The following RERE variants were observed in gnomAD, a reference collection of about 807,000 sequenced individuals.
RERE encodes arginine-glutamic acid dipeptide repeats.
RERE carries 40 observed loss-of-function variants against 146.1 expected under a neutral mutation model. The observed-to-expected ratio is 0.27, with a 90% CI of 0.21 to 0.36. The LOEUF (loss-of-function observed/expected upper bound fraction) is 0.36, where lower values mean the gene tolerates loss of function less well. RERE is among the 10% of genes least tolerant of loss of function. The pLI is 1.00. For synonymous variants in RERE, 1,003 were observed against 866.0 expected, an observed-to-expected ratio of 1.16 and a Z score of -2.78; for missense variants, 1,933 against 2,138.7, an observed-to-expected ratio of 0.90 and a Z score of 1.90.
chr1:8,487,562 A>ACCCT (rs1326598783), intron 10 of RERE, among the ~76,000 whole-genome samples: 2 of 152,078 alleles, frequency 1.3e-5, no homozygotes, highest in Non-Finnish European at 1.5e-5. Context: ...TGGGCAATAG[A>ACCCT]CCCTTTCTCA....
chr1:8,562,291 A>C (rs1646087724), intron 4 of RERE, among the ~76,000 whole-genome samples: 1 of 152,218 alleles, frequency 6.6e-6, no homozygotes, highest in African/African-American at 2.4e-5. Flanking sequence ...ATTTCTCAAC[A>C]AATAAGCCTC....
chr1:8,435,546 C>G (rs571910210), intron 11 of RERE, among the ~76,000 whole-genome samples: 1 of 152,330 alleles, frequency 6.6e-6, no homozygotes, highest in African/African-American at 2.4e-5. Flanking sequence ...TTCGTTCAAA[C>G]CCACTAGAGG....
At chr1:8,684,452 C>G (rs750106842) in intron 1 of RERE, among the ~76,000 whole-genome samples, 13 of 151,924 alleles carry the variant, frequency 8.6e-5, no homozygotes, top group Non-Finnish European at 1.5e-4. Flanking sequence ...ATGATGGAAT[C>G]AATGCTGAAA....
chr1:8,657,649 C>T (rs1261628171), intron 1 of RERE, among the ~76,000 whole-genome samples: 1 of 152,132 alleles, frequency 6.6e-6, no homozygotes, highest in East Asian at 1.9e-4. Flanking sequence ...AAGTTCGAGA[C>T]CAGCCTGGCC....
chr1:8,632,499 G>A (rs1459252197), intron 2 of RERE, among the ~76,000 whole-genome samples: 1 of 152,162 alleles, frequency 6.6e-6, no homozygotes, highest in East Asian at 1.9e-4. Flanking sequence ...TTTCTTTACA[G>A]GTTTTCTGCT....
chr1:8,695,302 G>GT (rs140801297), intron 1 of RERE, among the ~76,000 whole-genome samples: 7,203 of 152,066 alleles, frequency 0.047, 242 homozygotes, highest in Non-Finnish European at 0.072. Flanking sequence ...ACCACAAACT[G>GT]TAAAAATCCC....
intron 1 of RERE, among the ~76,000 whole-genome samples, chr1:8,767,604 C>CAAA (rs70985518): frequency 5.9e-5 from 7 of 117,982 alleles, no homozygotes; most frequent in African/African-American, 2.2e-4. Flanking sequence ...GGCCTTGTCT[C>CAAA]AAAAAAAAAA....
At chr1:8,420,257 C>T (rs1454621236) in intron 12 of RERE, among the ~76,000 whole-genome samples, 1 of 151,964 alleles carries the variant, frequency 6.6e-6, no homozygotes, top group African/African-American at 2.4e-5. Context: ...GAGTTTGAGA[C>T]CAGCCAGGGC....
At chr1:8,492,289 A>C (rs1435259384) in intron 10 of RERE, among the ~76,000 whole-genome samples, 1 of 152,218 alleles carries the variant, frequency 6.6e-6, no homozygotes, top group Non-Finnish European at 1.5e-5. Context: ...TTCTATACTG[A>C]AGTATGGTCT....
At chr1:8,695,314 G>C (rs1639303887) in intron 1 of RERE, among the ~76,000 whole-genome samples, 1 of 151,978 alleles carries the variant, frequency 6.6e-6, no homozygotes, top group Admixed American at 6.6e-5. Context: ...AAAAATCCCA[G>C]AAGAAAACCT....
intron 8 of RERE, among the ~76,000 whole-genome samples, chr1:8,500,989 G>C (rs1432535105): frequency 7.0e-6 from 1 of 143,458 alleles, no homozygotes; most frequent in Non-Finnish European, 1.5e-5. Context: ...ACCCCGTCTG[G>C]GAAGTGAGGA....
At chr1:8,675,723 C>T (rs1252079762) in intron 1 of RERE, among the ~76,000 whole-genome samples, 1 of 144,642 alleles carries the variant, frequency 6.9e-6, no homozygotes, top group Non-Finnish European at 1.5e-5. Flanking sequence ...AACTCCGACT[C>T]AAAATACATA....
chr1:8,361,686 C>G, intron 17 of RERE, 77 bp downstream of exon 17: 2 of 1,419,516 alleles, frequency 1.4e-6, no homozygotes, highest in Non-Finnish European at 2.0e-6. Context: ...GCACGGCCAC[C>G]AACTAGGGAG....
chr1:8,385,722 C>T (rs1480740981), intron 12 of RERE, among the ~76,000 whole-genome samples: 1 of 151,220 alleles, frequency 6.6e-6, no homozygotes, highest in Non-Finnish European at 1.5e-5. Flanking sequence ...AACAAGAAAA[C>T]ACCACTTTGG....
chr1:8,515,848 A>T (rs1645407437), intron 7 of RERE, among the ~76,000 whole-genome samples: 2 of 152,176 alleles, frequency 1.3e-5, no homozygotes, highest in African/African-American at 4.8e-5. Context: ...GATGCAAGTA[A>T]TATCCAGAAT....
chr1:8,654,706 T>TCA (rs2124329050), intron 2 of RERE, among the ~76,000 whole-genome samples: 1 of 152,058 alleles, frequency 6.6e-6, no homozygotes, highest in African/African-American at 2.4e-5. Flanking sequence ...CAATCATGCT[T>TCA]CACTACAGCC....
chr1:8,535,188 T>C (rs1161285238), intron 7 of RERE, among the ~76,000 whole-genome samples: 2 of 152,194 alleles, frequency 1.3e-5, no homozygotes, highest in African/African-American at 4.8e-5. Context: ...AGGGACAGGA[T>C]ACAAAATAAT....
chr1:8,656,860 T>TC (rs1030396332), intron 1 of RERE, among the ~76,000 whole-genome samples: 8 of 152,260 alleles, frequency 5.3e-5, no homozygotes, highest in African/African-American at 1.9e-4. Context: ...TGCCTTGTAA[T>TC]CCCAGCATTT....
At chr1:8,763,307 C>T (rs928846824) in intron 1 of RERE, among the ~76,000 whole-genome samples, 1 of 152,142 alleles carries the variant, frequency 6.6e-6, no homozygotes, top group Non-Finnish European at 1.5e-5. Context: ...AAAAAATCTA[C>T]TCCCATAATC....
Sources: allele counts gnomAD v4.1 joint callset (sites outside exome capture counted in the v4.1 genomes callset), GRCh38; gene constraint gnomAD v4.1.1; transcripts MANE v1.5; gene names NCBI Gene and HGNC (gene_info 2026-07-23, HGNC 2026-07-21).